Variants in PSIP1 observed in about 807,000 individuals in gnomAD.
PSIP1 encodes PC4 and SFRS1-interacting protein.
In PSIP1, 19 loss-of-function variants were observed where a neutral mutation model predicts 74.7. That is an observed-to-expected ratio of 0.25 (90% confidence interval 0.18 to 0.37). PSIP1 has a LOEUF of 0.37. PSIP1 is among the 10% of genes least tolerant of loss of function. The pLI is 1.00. For missense variants in PSIP1, 601 were observed against 614.3 expected (o/e 0.98, Z 0.23); for synonymous variants, 222 against 195.3 (o/e 1.14, Z -1.14).
chr9:15,465,520 C>T lies in PSIP1; in HGVS notation c.1593G>A (p.Ter531=), dbSNP rs1369682544. 4 of 1,553,688 alleles carry T rather than the reference C, an allele frequency of 2.6e-6. No homozygotes were observed. The South Asian group carries it at 3.5e-5, about 13-fold the overall frequency. The part of the protein sequence containing the change: ...ISLKDSTLDN[*] ...TTCTCTATATTCCAGGTATGTCAACCTAGTTATCTAGTGTAGAATCCTTCA... is the reference window on the plus strand; with the variant it reads ...TTCTCTATATTCCAGGTATGTCAACTTAGTTATCTAGTGTAGAATCCTTCA... The change falls in exon 16 of 16, where the codon TAG becomes TAA. Residue 531 remains the stop codon, a stop_retained_variant. Transcript: ENST00000380733.
In PSIP1 at chr9:15,486,152, C is replaced by T. The variant is rs567966506; in HGVS notation, c.394-84G>A. The T allele has an allele frequency of 1.4e-5, 16 of 1,131,344 alleles. No homozygotes were observed. In the African/African-American group the frequency reaches 1.7e-4, roughly 12 times the overall value. The allele number at this position is 1,131,344 out of a possible 1,614,324, so 70.1% of individuals were successfully genotyped here. A position where few individuals can be genotyped will look rare whatever the true frequency, so the allele number is the denominator to read the frequency against. On this transcript the variant is annotated intron_variant, in intron 5 of 15. Transcript: ENST00000380733. ...CTTGTTAAACTAAAAGTTACAAGCA[C>T]GTTTAACTGAAAGCATTGGGGAAAT...
chr9:15,504,683 G>A (rs1158117032), intron 3 of PSIP1, among the ~76,000 whole-genome samples: 1 of 151,570 alleles, frequency 6.6e-6, no homozygotes, highest in African/African-American at 2.4e-5. Flanking sequence ...CATGCAGTGA[G>A]CGGAGATCAT....
At chr9:15,486,797 G>A (rs950122734) in intron 5 of PSIP1, 30 bp downstream of exon 5, 4 of 1,483,226 alleles carry the variant, frequency 2.7e-6, no homozygotes, top group Non-Finnish European at 3.7e-6. Context: ...AACAAAATGG[G>A]TTTAAAATGT....
At chr9:15,500,715 G>A (rs2037303060) in intron 3 of PSIP1, among the ~76,000 whole-genome samples, 1 of 152,232 alleles carries the variant, frequency 6.6e-6, no homozygotes, top group Non-Finnish European at 1.5e-5. Flanking sequence ...AGCCTGTGAT[G>A]TATATTTAAA....
intron 7 of PSIP1, 55 bp from the exon 8 acceptor site, chr9:15,478,607 A>C: frequency 8.7e-7 from 1 of 1,147,934 alleles, no homozygotes. Flanking sequence ...TTAAGATACA[A>C]ATCTCAGATA....
At chr9:15,465,726 C>G in intron 15 of PSIP1, 146 bp from the exon 16 acceptor site, 1 of 595,918 alleles carries the variant, frequency 1.7e-6, no homozygotes, top group South Asian at 2.6e-5. Context: ...GTTATTAGAA[C>G]AGTCATTATT....
intron 4 of PSIP1, among the ~76,000 whole-genome samples, chr9:15,488,872 T>A (rs1034967646): frequency 4.6e-5 from 7 of 152,076 alleles, no homozygotes; most frequent in African/African-American, 1.7e-4. Flanking sequence ...ATACAAAAAA[T>A]TAGCCGGGTG....
chr9:15,467,293 T>C (rs868700971), intron 14 of PSIP1, among the ~76,000 whole-genome samples: 3 of 152,218 alleles, frequency 2.0e-5, no homozygotes, highest in South Asian at 2.1e-4. Flanking sequence ...TATTTCCTAA[T>C]TGATATTTTT....
chr9:15,473,912 A>C (rs2035952658), intron 9 of PSIP1, 97 bp downstream of exon 9: 4 of 910,398 alleles, frequency 4.4e-6, no homozygotes, highest in Non-Finnish European at 6.0e-6. Context: ...AACAAAAAAA[A>C]AACAAAAAAA....
rs73421380 is a variant in PSIP1 at position 15,467,188 on chromosome 9, G to C, written c.1421-329C>G. On this transcript the variant is annotated intron_variant, in intron 14 of 15. Transcript: ENST00000380733. ...ACTATTACCAGGAATACTACAGGGT[G>C]TTGTAATTCTTAGCATATTCATTTA... Among the ~76,000 whole-genome samples, 495 of 152,280 alleles carry C rather than the reference G, an allele frequency of 3.3e-3. 4 individuals are homozygous for C. The highest frequency in any genetic ancestry group is 0.011 in the African/African-American group (466 of 41,560).
At chr9:15,504,716 A>G (rs573139828) in intron 3 of PSIP1, among the ~76,000 whole-genome samples, 50 of 151,878 alleles carry the variant, frequency 3.3e-4, no homozygotes, top group African/African-American at 6.8e-4. Flanking sequence ...CAGCCTGGGC[A>G]ACAGAGCTAG....
In PSIP1 at chr9:15,465,713, CTTG is replaced by C. The variant is rs879548767; in HGVS notation, c.1533-136_1533-134del. The C allele has an allele frequency of 1.3e-5, 9 of 671,092 alleles. No individual in the cohort carries two copies. In the Admixed American group the frequency reaches 1.6e-4, roughly 12 times the overall value. The allele number at this position is 671,092 out of a possible 1,614,324, so 41.6% of individuals were successfully genotyped here. A position where few individuals can be genotyped will look rare whatever the true frequency, so the allele number is the denominator to read the frequency against. Reference sequence around the variant, plus strand: ...CCAACCAAACAAAAGAAAAACTTGACTTGTTATTAGAACAGTCATTATTATTTT... The same window carrying C: ...CCAACCAAACAAAAGAAAAACTTGACTTATTAGAACAGTCATTATTATTTT... On this transcript the variant is annotated intron_variant, in intron 15 of 15. Coordinates refer to ENST00000380733, the MANE Select transcript of PSIP1 (RefSeq NM_033222.5).
chr9:15,493,357 G>A (rs1317565531), intron 3 of PSIP1, among the ~76,000 whole-genome samples: 1 of 152,108 alleles, frequency 6.6e-6, no homozygotes, highest in African/African-American at 2.4e-5. Context: ...GAGTTCATTG[G>A]CCATATCATT....
intron 10 of PSIP1, chr9:15,471,150 A>C: frequency 6.2e-7 from 1 of 1,606,310 alleles, no homozygotes. Flanking sequence ...CTCCACTTGT[A>C]TTCTCTTTTC....
In PSIP1 at chr9:15,465,362, A is replaced by T; in HGVS notation, c.*158T>A. ...ATACTGCACAAGTACACTTAGCGAT[A>T]ATGTTTACTTTACTTTAAAACAAAG... On this transcript the variant is annotated 3_prime_UTR_variant, in exon 16 of 16. Transcript: ENST00000380733. 1 of 621,044 alleles carries T rather than the reference A, an allele frequency of 1.6e-6. No individual in the cohort carries two copies. The highest frequency in any genetic ancestry group is 2.1e-5 in the South Asian group (1 of 46,692). 38.5% of individuals were successfully genotyped at this position (621,044 alleles called of 1,614,324 possible).
rs779884256 is a variant in PSIP1 at position 15,479,581 on chromosome 9, G to T, written c.553+10C>A. On this transcript the variant is annotated intron_variant, in intron 7 of 15. Transcript: ENST00000380733. The stretch of plus-strand genomic sequence containing the variant: ...AAGCCAAACAGATATTTAAACATCA[G>T]TAATCCTACCTGCAGGTCGTCCTCT... 1.9e-6 allele frequency: 3 copies of T among 1,581,720 alleles called. No homozygotes were observed. Among genetic ancestry groups the T allele is most frequent in the Non-Finnish European group, 1.7e-6 (2 of 1,162,056 alleles).
intron 2 of PSIP1, among the ~76,000 whole-genome samples, chr9:15,508,453 C>T (rs1428382450): frequency 6.6e-6 from 1 of 152,180 alleles, no homozygotes; most frequent in Non-Finnish European, 1.5e-5. Flanking sequence ...AAGGAAAACA[C>T]TCTGGTCTTC....
At chr9:15,508,035 C>T (rs959313833) in intron 2 of PSIP1, among the ~76,000 whole-genome samples, 56 of 152,310 alleles carry the variant, frequency 3.7e-4, no homozygotes, top group Middle Eastern at 3.4e-3. Context: ...TAGCAAACAG[C>T]TTAAAGAGTT....
intron 3 of PSIP1, among the ~76,000 whole-genome samples, chr9:15,493,989 T>C (rs943789404): frequency 6.6e-6 from 1 of 152,206 alleles, no homozygotes; most frequent in Non-Finnish European, 1.5e-5. Context: ...CAGTGAGTCA[T>C]ATAAGTCTGT....
Sources: gnomAD v4.1 joint callset for allele counts (sites outside exome capture counted in the v4.1 genomes callset) on GRCh38, gnomAD v4.1.1 for gene constraint, MANE v1.5 for transcripts, NCBI Gene and HGNC (gene_info 2026-07-23, HGNC 2026-07-21) for gene names.